Variants in PLEKHG1 observed in about 807,000 individuals in gnomAD.
PLEKHG1 encodes pleckstrin homology and RhoGEF domain containing G1.
PLEKHG1 carries 44 observed loss-of-function variants against 100.8 expected under a neutral mutation model. The observed-to-expected ratio is 0.44, with a 90% CI of 0.34 to 0.56. PLEKHG1 has a LOEUF of 0.56. Ranked by LOEUF, PLEKHG1 falls within the 20% of genes least tolerant of loss-of-function variation. PLEKHG1 has a pLI of 0.01. For missense variants in PLEKHG1, 1,545 were observed against 1,720.9 expected, an observed-to-expected ratio of 0.90 and a Z score of 1.81; for synonymous variants, 640 against 662.5, an observed-to-expected ratio of 0.97 and a Z score of 0.52.
intron 3 of PLEKHG1, among the ~76,000 whole-genome samples, chr6:150,785,263 G>T (rs925282175): frequency 6.6e-6 from 1 of 152,148 alleles, no homozygotes; most frequent in Non-Finnish European, 1.5e-5. Flanking sequence ...GAAACTGCTT[G>T]TTTTTATCAT....
intron 3 of PLEKHG1, among the ~76,000 whole-genome samples, chr6:150,652,412 T>C (rs1303558843): frequency 6.6e-6 from 1 of 152,216 alleles, no homozygotes; most frequent in Non-Finnish European, 1.5e-5. Context: ...GTGGTATCAC[T>C]TTTTACTGAT....
intron 1 of PLEKHG1, among the ~76,000 whole-genome samples, chr6:150,603,031 G>C (rs1312748096): frequency 7.7e-6 from 1 of 130,540 alleles, no homozygotes; most frequent in African/African-American, 2.9e-5. Context: ...GCAGTGAGCC[G>C]AGATCGCGCC....
At chr6:150,697,947 G>GTT (rs66537666) in intron 3 of PLEKHG1, among the ~76,000 whole-genome samples, 2 of 150,890 alleles carry the variant, frequency 1.3e-5, no homozygotes, top group Non-Finnish European at 1.5e-5. Context: ...TTGTTGTTGG[G>GTT]TTTTTTTTTG....
Position 150,831,022 on chromosome 6 carries a change from A to G in PLEKHG1, c.1911A>G (p.Thr637=). The change falls in exon 15 of 16, where the codon ACA becomes ACG. Residue 637 remains threonine, a synonymous_variant. Transcript: ENST00000358517. The surrounding 1 kb of genome is among the most constrained non-coding windows in gnomAD (Gnocchi z 4.1). ...GGGAACTGCAGAACAGCCCCAAAAC[A>G]GAAGGGCAGGAGGAGATGACTCCCT... is the stretch of plus-strand genomic sequence containing the variant. 1 of 1,614,044 alleles carries G rather than the reference A, an allele frequency of 6.2e-7. No homozygotes were observed. The highest frequency in any genetic ancestry group is 8.5e-7 in the Non-Finnish European group (1 of 1,179,954).
At chr6:150,733,607 G>T (rs1403963985) in exon 2 of PLEKHG1, 1 of 1,612,670 alleles carries the variant, frequency 6.2e-7, no homozygotes, top group Non-Finnish European at 8.5e-7. Flanking sequence ...GCGTCTTGAA[G>T]TGCCATCAGC....
chr6:150,710,254 A>T (rs1370511321), intron 3 of PLEKHG1, among the ~76,000 whole-genome samples: 3 of 152,200 alleles, frequency 2.0e-5, no homozygotes, highest in African/African-American at 7.2e-5. Flanking sequence ...TCAAATGCAC[A>T]TGGTCAGTTC....
At chr6:150,734,574 G>C (rs978509092) in intron 2 of PLEKHG1, among the ~76,000 whole-genome samples, 4 of 152,168 alleles carry the variant, frequency 2.6e-5, no homozygotes, top group Admixed American at 1.3e-4. Context: ...GTGGGGCTTG[G>C]GTGGTGGAAT....
chr6:150,818,600 A>G (rs1776120598), intron 11 of PLEKHG1, among the ~76,000 whole-genome samples: 1 of 152,216 alleles, frequency 6.6e-6, no homozygotes, highest in East Asian at 1.9e-4. Flanking sequence ...AATCGCAATC[A>G]CTTCGTAGTA....
chr6:150,655,216 C>T (rs574292112), intron 3 of PLEKHG1, among the ~76,000 whole-genome samples: 5 of 152,222 alleles, frequency 3.3e-5, no homozygotes, highest in African/African-American at 9.6e-5. Flanking sequence ...TTGTGGAAGA[C>T]GATGTAGCGA....
chr6:150,698,586 C>T lies in PLEKHG1; in HGVS notation c.-98-34998C>T, dbSNP rs118135051. ...TGATTACACTATAACAATACAGTAA[C>T]GGGAGCTGCTAAAGAGTATTTGGGG... On this transcript the variant is annotated intron_variant, in intron 3 of 3. Coordinates refer to the PLEKHG1 transcript ENST00000367326. Among the ~76,000 whole-genome samples, 22 of 134,728 alleles carry T rather than the reference C, an allele frequency of 1.6e-4. No homozygotes were observed. In the East Asian group the frequency reaches 2.1e-3, roughly 13 times the overall value. The allele number at this position is 134,728 out of a possible 152,430, so 88.4% of individuals were successfully genotyped here. A position where few individuals can be genotyped will look rare whatever the true frequency, so the allele number is the denominator to read the frequency against.
chr6:150,757,173 T>C (rs1488333383), intron 2 of PLEKHG1, among the ~76,000 whole-genome samples: 1 of 152,166 alleles, frequency 6.6e-6, no homozygotes, highest in Non-Finnish European at 1.5e-5. Context: ...ATTTTGTTTT[T>C]GTATTTTTAG....
intron 1 of PLEKHG1, among the ~76,000 whole-genome samples, chr6:150,602,532 T>C (rs1582880652): frequency 1.3e-5 from 2 of 152,246 alleles, no homozygotes; most frequent in East Asian, 3.8e-4. Flanking sequence ...AAATCATAGT[T>C]GGTGTCTCTC....
chr6:150,728,687 G>A (rs1442618671), intron 1 of PLEKHG1, among the ~76,000 whole-genome samples: 4 of 152,154 alleles, frequency 2.6e-5, no homozygotes, highest in Admixed American at 2.0e-4. Flanking sequence ...CACGAGGTCA[G>A]GAGTTCGAGA....
intron 3 of PLEKHG1, among the ~76,000 whole-genome samples, chr6:150,674,032 C>T (rs1377040969): frequency 6.6e-6 from 1 of 152,130 alleles, no homozygotes; most frequent in Non-Finnish European, 1.5e-5. Flanking sequence ...CCACACACCA[C>T]ACACACAAAG....
intron 1 of PLEKHG1, among the ~76,000 whole-genome samples, chr6:150,607,881 T>C (rs376740451): frequency 6.6e-5 from 10 of 152,000 alleles, no homozygotes; most frequent in South Asian, 4.2e-4. Flanking sequence ...CTTTGGGAAA[T>C]ATTTGGAAGC....
intron 15 of PLEKHG1, 58 bp from the exon 17 acceptor site, chr6:150,839,775 A>G: frequency 9.5e-7 from 1 of 1,053,186 alleles, no homozygotes; most frequent in African/African-American, 1.6e-5. Flanking sequence ...CTTATTTTTA[A>G]TCTTCACGTA....
At chr6:150,657,516 C>T (rs1040529744) in intron 3 of PLEKHG1, among the ~76,000 whole-genome samples, 3 of 152,136 alleles carry the variant, frequency 2.0e-5, no homozygotes, top group Non-Finnish European at 4.4e-5. Flanking sequence ...CTTAACTTTT[C>T]GACTTGACCT....
At chr6:150,819,568 A>T (rs552290420) in intron 11 of PLEKHG1, 111 bp from the exon 13 acceptor site, 11 of 512,640 alleles carry the variant, frequency 2.1e-5, no homozygotes, top group Middle Eastern at 5.2e-4. Flanking sequence ...TCTGTCTCAA[A>T]AATAATAATA....
chr6:150,691,186 G>A lies in PLEKHG1; in HGVS notation c.-99+40400G>A, dbSNP rs1395446949. On this transcript the variant is annotated intron_variant, in intron 3 of 3. Coordinates refer to the PLEKHG1 transcript ENST00000367326. The stretch of plus-strand genomic sequence containing the variant: ...ATATCAGAAGTTCATTTCTTTTTAT[G>A]ACTAATGAGATGGTCTGTTCTAATT... Among the ~76,000 whole-genome samples, 3 of 152,120 alleles carry A rather than the reference G, an allele frequency of 2.0e-5. No homozygotes were observed. In the South Asian group the frequency reaches 6.2e-4, roughly 32 times the overall value.
Sources: allele counts gnomAD v4.1 joint callset (sites outside exome capture counted in the v4.1 genomes callset), GRCh38; gene constraint gnomAD v4.1.1; non-coding constraint Gnocchi (gnomAD v3.1); transcripts MANE v1.5; gene names NCBI Gene and HGNC (gene_info 2026-07-23, HGNC 2026-07-21).